The following ULK2 variants were observed in gnomAD, a reference collection of about 807,000 sequenced individuals.
ULK2 encodes the protein serine/threonine-protein kinase ULK2.
Under a neutral mutation model 127.5 loss-of-function variants are expected in ULK2, and 76 were observed. The ratio of observed to expected loss-of-function variants is 0.60; its 90% CI spans 0.50 to 0.72. The LOEUF (loss-of-function observed/expected upper bound fraction) is 0.72, where lower values mean the gene tolerates loss of function less well. Among genes scored for constraint, ULK2 ranks in the 30% least tolerant of loss-of-function variants. The pLI is 0.00. For missense variants in ULK2, 1,144 were observed against 1,295.9 expected, an observed-to-expected ratio of 0.88 and a Z score of 1.80; for synonymous variants, 452 against 461.9, an observed-to-expected ratio of 0.98 and a Z score of 0.28.
chr17:19,812,892 T>C (rs73980712), intron 13 of ULK2, among the ~76,000 whole-genome samples: 4,655 of 152,224 alleles, frequency 0.031, 128 homozygotes, highest in African/African-American at 0.075. Context: ...CTTATGCAGG[T>C]AGGCAATGCC....
rs1183843775 is a variant in ULK2 at position 19,846,927 on chromosome 17, C to G, written c.296-17G>C. 5 of 1,590,500 alleles carry G rather than the reference C, an allele frequency of 3.1e-6. No individual in the cohort carries two copies. The South Asian group carries it at 4.6e-5, about 15-fold the overall frequency. ...TCCCTTTCGCTGGTACAAAAGGAGT[C>G]ACGTAAATATTTAAGCACACAAAAT... On this transcript the variant is annotated splice_polypyrimidine_tract_variant and intron_variant, in intron 5 of 26. Coordinates refer to ENST00000395544, the MANE Select transcript of ULK2 (RefSeq NM_014683.4).
chr17:19,777,726 G>C lies in ULK2; in HGVS notation c.2917-10C>G. 6.3e-7 allele frequency: 1 copy of C among 1,589,490 alleles called. No homozygotes were observed. Among genetic ancestry groups the C allele is most frequent in the Non-Finnish European group, 8.5e-7 (1 of 1,171,416 alleles). On this transcript the variant is annotated splice_polypyrimidine_tract_variant and intron_variant, in intron 25 of 26. Transcript: ENST00000395544. Reference sequence around the variant, plus strand: ...GGGCTGCAGACTGAACCTGGAACCAGTCAACAAAAACACAATTCTCTCAAT... The same window carrying C: ...GGGCTGCAGACTGAACCTGGAACCACTCAACAAAAACACAATTCTCTCAAT...
intron 10 of ULK2, among the ~76,000 whole-genome samples, chr17:19,835,991 G>A (rs1047090580): frequency 6.6e-6 from 1 of 151,748 alleles, no homozygotes; most frequent in Non-Finnish European, 1.5e-5. Context: ...ACTGGGCCGC[G>A]CCCGGTGGCT....
At chr17:19,864,962 A>T (rs907347481) in intron 2 of ULK2, 118 bp from the exon 3 acceptor site, 9 of 365,728 alleles carry the variant, frequency 2.5e-5, no homozygotes, top group Non-Finnish European at 4.3e-5. Context: ...TTATATTAAG[A>T]CTATAAAAAT....
chr17:19,864,909 G>A (rs990365283), intron 2 of ULK2, 65 bp from the exon 3 acceptor site: 13 of 771,468 alleles, frequency 1.7e-5, no homozygotes, highest in Admixed American at 3.7e-5. Context: ...ATTTTAATAT[G>A]TAAATAAAAT....
chr17:19,859,433 C>A (rs2042198087), intron 3 of ULK2, among the ~76,000 whole-genome samples: 1 of 152,096 alleles, frequency 6.6e-6, no homozygotes, highest in South Asian at 2.1e-4. Flanking sequence ...GCAAGAGAAT[C>A]ACTTGAACTC....
At chr17:19,823,714 A>G (rs1011184284) in intron 12 of ULK2, among the ~76,000 whole-genome samples, 1 of 152,196 alleles carries the variant, frequency 6.6e-6, no homozygotes, top group South Asian at 2.1e-4. Context: ...TGACCGGCCC[A>G]AAGTCACTGA....
At chr17:19,794,072 A>C (rs769522116) in intron 20 of ULK2, among the ~76,000 whole-genome samples, 46 of 152,206 alleles carry the variant, frequency 3.0e-4, no homozygotes, top group Non-Finnish European at 6.2e-4. Flanking sequence ...GAAACAAAGA[A>C]TGCCTTTGAT....
chr17:19,813,955 A>G (rs1464786509), intron 13 of ULK2, among the ~76,000 whole-genome samples: 1 of 152,162 alleles, frequency 6.6e-6, no homozygotes, highest in African/African-American at 2.4e-5. Flanking sequence ...AAATTAAACT[A>G]TATGTGGGGG....
chr17:19,823,843 T>C (rs2041221348), intron 12 of ULK2, among the ~76,000 whole-genome samples: 1 of 152,206 alleles, frequency 6.6e-6, no homozygotes, highest in Non-Finnish European at 1.5e-5. Context: ...TGGTATGAAT[T>C]TGCGGGGCTG....
chr17:19,850,750 G>C (rs1237405513), intron 3 of ULK2, among the ~76,000 whole-genome samples: 1 of 151,472 alleles, frequency 6.6e-6, no homozygotes, highest in Non-Finnish European at 1.5e-5. Context: ...GCATGAACCT[G>C]GGAGGCGGAG....
intron 3 of ULK2, among the ~76,000 whole-genome samples, chr17:19,859,123 A>G (rs1256274361): frequency 6.7e-6 from 1 of 149,944 alleles, no homozygotes; most frequent in African/African-American, 2.5e-5. Context: ...CCTCATCTCT[A>G]TTAATTAAGT....
At position 19,781,088 on chromosome 17, in the gene ULK2, C is replaced by T. The variant is rs144113406; in HGVS notation, c.2656G>A (p.Val886Met). 1.3e-3 allele frequency: 2,101 copies of T among 1,612,172 alleles called. 29 individuals are homozygous for T. The South Asian group carries it at 0.015, about 12-fold the overall frequency. Reference protein sequence around the residue: ...SKDWGRVEQLVLYMKAAQLLA... With the variant: ...SKDWGRVEQLMLYMKAAQLLA... ...AGCTGTGCTGCTTTCATGTACAACA[C>T]CAGCTGCTCCACCCGCCTGCACCCA... The change falls in exon 24 of 27, where the codon GTG (valine) becomes ATG (methionine). Residue 886 changes from valine (V) to methionine (M), a missense_variant. Physicochemically the swap from Val to Met is conservative, Grantham distance 21. Transcript: ENST00000395544.
In ULK2 at chr17:19,804,799, C is replaced by T. The variant is rs199776595; in HGVS notation, c.1189G>A (p.Glu397Lys). Residue 397 changes from glutamate (E) to lysine (K), a missense_variant, in exon 15 of 27, where the codon GAA becomes AAA. Physicochemically the swap from Glu to Lys is moderately conservative, Grantham distance 56 (BLOSUM62 1). Coordinates refer to ENST00000395544, the MANE Select transcript of ULK2 (RefSeq NM_014683.4). Reference sequence around the variant, plus strand: ...GTAGGAACTGGAATTGGTGCTGTTTCGCTGTGAGGTGACACAGTAGGCTGA... The same window carrying T: ...GTAGGAACTGGAATTGGTGCTGTTTTGCTGTGAGGTGACACAGTAGGCTGA... ...QCQPTVSPHS[E>K]TAPIPVPTQI... 49 of 1,612,892 alleles carry T rather than the reference C, an allele frequency of 3.0e-5. No individual in the cohort carries two copies. In the South Asian group the frequency reaches 3.5e-4, roughly 12 times the overall value.
chr17:19,855,836 A>G (rs1481044115), intron 3 of ULK2: 2 of 152,150 alleles, frequency 1.3e-5, no homozygotes, highest in Non-Finnish European at 1.5e-5. Flanking sequence ...TTACCCAGAT[A>G]TAAATAGCTC....
At position 19,852,741 on chromosome 17, in the gene ULK2, C is replaced by T. The variant is rs375591066; in HGVS notation, c.226-2967G>A. Among the ~76,000 whole-genome samples the T allele has an allele frequency of 8.6e-5, 13 of 151,522 alleles. 1 individual carries two copies. The East Asian group carries it at 1.6e-3, about 18-fold the overall frequency. On this transcript the variant is annotated intron_variant, in intron 3 of 26. Transcript: ENST00000395544. Reference sequence around the variant, plus strand: ...CACCTCCAGGGTCCACGCCATTCTCCTGCCTCAGTCTCCCGAGTAGCTGGG... The same window carrying T: ...CACCTCCAGGGTCCACGCCATTCTCTTGCCTCAGTCTCCCGAGTAGCTGGG...
chr17:19,818,797 C>CTTTTTTTTTTTTT (rs71157835), intron 12 of ULK2, among the ~76,000 whole-genome samples: 8 of 77,772 alleles, frequency 1.0e-4, no homozygotes, highest in Non-Finnish European at 1.5e-4. Flanking sequence ...TTTCTTTTTT[C>CTTTTTTTTTTTTT]TTTTTTTTTT....
chr17:19,830,066 G>A (rs886867468), intron 10 of ULK2, among the ~76,000 whole-genome samples: 1 of 152,088 alleles, frequency 6.6e-6, no homozygotes, highest in African/African-American at 2.4e-5. Context: ...ACTGAACAGT[G>A]CTATAAACTA....
At chr17:19,777,475 C>A in intron 26 of ULK2, 106 bp downstream of exon 26, 1 of 1,280,064 alleles carries the variant, frequency 7.8e-7, no homozygotes, top group African/African-American at 1.5e-5. Context: ...TGGAAAGCCA[C>A]GATTCAAACC....
Sources: gnomAD v4.1 joint callset for allele counts (sites outside exome capture counted in the v4.1 genomes callset) on GRCh38, gnomAD v4.1.1 for gene constraint, MANE v1.5 for transcripts, NCBI Gene and HGNC (gene_info 2026-07-23, HGNC 2026-07-21) for gene names.